Variants in CD226 observed in about 807,000 individuals in gnomAD.
CD226 encodes the protein CD226 antigen.
CD226 carries 24 observed loss-of-function variants against 34.9 expected under a neutral mutation model. That is an observed-to-expected ratio of 0.69 (90% CI 0.50 to 0.97). CD226 has a LOEUF of 0.97. CD226 is among the 50% of genes least tolerant of loss of function. The probability of loss-of-function intolerance (pLI) is 0.00; values close to 1 mark genes in which losing one functional copy is unlikely to be tolerated. For missense variants in CD226, 397 were observed against 412.7 expected, an observed-to-expected ratio of 0.96 and a Z score of 0.33; for synonymous variants, 148 against 147.4, an observed-to-expected ratio of 1.00 and a Z score of -0.03.
intron 4 of CD226, among the ~76,000 whole-genome samples, chr18:69,872,056 G>GT (rs1983556865): frequency 7.5e-5 from 7 of 93,024 alleles, no homozygotes; most frequent in South Asian, 4.7e-4. Flanking sequence ...TATTAACAAG[G>GT]GGTGTGTGTG....
intron 2 of CD226, among the ~76,000 whole-genome samples, chr18:69,935,471 T>C (rs2055641283): frequency 6.6e-6 from 1 of 152,202 alleles, no homozygotes; most frequent in Admixed American, 6.5e-5. Flanking sequence ...GGGCTGAACA[T>C]GTTCCACAGT....
Position 69,890,884 on chromosome 18 carries a change from G to A in CD226, c.727+4817C>T, listed in dbSNP as rs557254813. 6.6e-5 allele frequency among the ~76,000 whole-genome samples: 10 copies of A among 152,130 alleles called. No individual in the cohort carries two copies. In the South Asian group the frequency reaches 1.5e-3, roughly 22 times the overall value. On this transcript the variant is annotated intron_variant, in intron 3 of 5. Coordinates refer to ENST00000582621, the MANE Select transcript of CD226 (RefSeq NM_001303618.2). ...CATTCTAGGAATTAATGCCAATCCT[G>A]AGTTTAGAAACAGTTCTACATTATC...
Position 69,895,701 on chromosome 18 carries a change from C to A in CD226, c.727G>T (p.Gly243Cys). ...CAGAAGATGTCTGGTGCTCACTCAC[C>A]CTCGGCTACAGTCAATCTCATCACG... ...TFVMRLTVAE[G>C]KTDNQYTLFV... Residue 243 changes from glycine to cysteine, a missense_variant and splice_region_variant, in exon 3 of 6, where the codon GGT becomes TGT. Physicochemically the swap from Gly to Cys is radical, Grantham distance 159. Transcript: ENST00000582621. 3.1e-6 allele frequency: 5 copies of A among 1,608,114 alleles called. No homozygotes were observed. Among genetic ancestry groups the A allele is most frequent in the Non-Finnish European group, 4.3e-6 (5 of 1,174,878 alleles).
intron 2 of CD226, among the ~76,000 whole-genome samples, chr18:69,929,145 C>T (rs552152341): frequency 5.3e-4 from 80 of 152,306 alleles, no homozygotes; most frequent in African/African-American, 1.8e-3. Flanking sequence ...TGCTGCTACC[C>T]AGCCTAGAAA....
chr18:69,926,295 G>T (rs932595394), intron 2 of CD226, among the ~76,000 whole-genome samples: 1 of 151,864 alleles, frequency 6.6e-6, no homozygotes, highest in Non-Finnish European at 1.5e-5. Context: ...TTCTTCTCGG[G>T]ACCTTTGCAC....
chr18:69,913,770 T>A (rs2145292584), intron 2 of CD226, among the ~76,000 whole-genome samples: 1 of 152,204 alleles, frequency 6.6e-6, no homozygotes, highest in South Asian at 2.1e-4. Flanking sequence ...GGCTCAAGTG[T>A]CCTAGTGAAA....
At chr18:69,955,561 T>C (rs2145387689) in intron 1 of CD226, among the ~76,000 whole-genome samples, 1 of 152,236 alleles carries the variant, frequency 6.6e-6, no homozygotes, top group Non-Finnish European at 1.5e-5. Flanking sequence ...AAGAGGCTCA[T>C]ACTTCCAGTA....
At chr18:69,950,787 T>A (rs896765854), upstream of CD226, among the ~76,000 whole-genome samples, 1 of 152,128 alleles carries the variant, frequency 6.6e-6, no homozygotes, top group Non-Finnish European at 1.5e-5. Flanking sequence ...CTAAGAGCGA[T>A]TGGAGATTGT....
Position 69,873,193 on chromosome 18 carries a change from A to T in CD226, c.781T>A (p.Leu261Met), listed in dbSNP as rs1162083612. 3 of 1,611,746 alleles carry T rather than the reference A, an allele frequency of 1.9e-6. No individual in the cohort carries two copies. The highest frequency in any genetic ancestry group is 3.3e-5 in the Admixed American group (2 of 59,994). Residue 261 changes from leucine to methionine, a missense_variant, in exon 4 of 6, where the codon TTG (leucine) becomes ATG (methionine). Transcript: ENST00000582621. ...GTGGTAATTGAGATAACAAACAACA[A>T]CAATAAAACTGTCCCTCCAGCCACA... is the stretch of plus-strand genomic sequence containing the variant. ...LFVAGGTVLL[L>M]LFVISITTII...
chr18:69,906,031 A>G (rs532640571), intron 2 of CD226, among the ~76,000 whole-genome samples: 1 of 152,302 alleles, frequency 6.6e-6, no homozygotes, highest in East Asian at 1.9e-4. Flanking sequence ...TCCTCTTCTC[A>G]TATTTTCTGA....
At chr18:69,901,614 C>T (rs960151271) in intron 2 of CD226, among the ~76,000 whole-genome samples, 1 of 140,814 alleles carries the variant, frequency 7.1e-6, no homozygotes, top group African/African-American at 2.5e-5. Context: ...GGCACAGTGG[C>T]TCACACCTGT....
chr18:69,895,632 AAC>A, intron 3 of CD226, 67 bp downstream of exon 3: 2 of 1,153,766 alleles, frequency 1.7e-6, no homozygotes, highest in Non-Finnish European at 2.5e-6. Context: ...CATAAATAAA[AAC>A]AGAGACCAGC....
chr18:69,871,357 T>C (rs534466320), intron 4 of CD226, among the ~76,000 whole-genome samples: 25 of 152,372 alleles, frequency 1.6e-4, no homozygotes, highest in African/African-American at 6.0e-4. Context: ...TGAAATGACC[T>C]GACCTCCTGT....
At chr18:69,934,847 T>G (rs2055632699) in intron 2 of CD226, among the ~76,000 whole-genome samples, 1 of 152,210 alleles carries the variant, frequency 6.6e-6, no homozygotes, top group Non-Finnish European at 1.5e-5. Flanking sequence ...GGGAATAATT[T>G]CACACTGATC....
At chr18:69,898,453 G>A (rs779882750) in intron 2 of CD226, among the ~76,000 whole-genome samples, 35 of 152,234 alleles carry the variant, frequency 2.3e-4, no homozygotes, top group Non-Finnish European at 4.6e-4. Context: ...ACTCATAGCC[G>A]TGTCTGCATT....
intron 3 of CD226, among the ~76,000 whole-genome samples, chr18:69,884,491 A>G (rs1305006282): frequency 3.9e-5 from 6 of 152,242 alleles, no homozygotes. Flanking sequence ...TCTTTGAAAG[A>G]CATGCACATC....
chr18:69,922,202 T>C (rs1357739958), intron 2 of CD226, among the ~76,000 whole-genome samples: 2 of 152,264 alleles, frequency 1.3e-5, no homozygotes, highest in East Asian at 3.8e-4. Context: ...AAAATATTAA[T>C]ATAGGCCTAA....
intron 3 of CD226, among the ~76,000 whole-genome samples, chr18:69,878,021 G>A (rs1009637299): frequency 8.5e-5 from 13 of 152,184 alleles, no homozygotes; most frequent in African/African-American, 3.1e-4. Context: ...GCCCTGTATG[G>A]CTGGGGAAAA....
Position 69,853,979 on chromosome 18 carries a change from G to A in CD226, c.*10335C>T, listed in dbSNP as rs964091834. 1 of 151,702 alleles carries A rather than the reference G, an allele frequency of 6.6e-6. No homozygotes were observed. Among genetic ancestry groups the A allele is most frequent in the African/African-American group, 2.4e-5 (1 of 40,980 alleles). The allele number at this position is 151,702 out of a possible 1,614,324, so 9.4% of individuals were successfully genotyped here. A position where few individuals can be genotyped will look rare whatever the true frequency, so the allele number is the denominator to read the frequency against. ...AGCAAGTCATATGGAATGGAGTCCA[G>A]CAACAGGAACCCTAGTGCAGTATCA... On this transcript the variant is annotated 3_prime_UTR_variant, in exon 6 of 6. Coordinates refer to ENST00000582621, the MANE Select transcript of CD226 (RefSeq NM_001303618.2).
Sources: gnomAD v4.1 joint callset for allele counts (sites outside exome capture counted in the v4.1 genomes callset) on GRCh38, gnomAD v4.1.1 for gene constraint, MANE v1.5 for transcripts, NCBI Gene and HGNC (gene_info 2026-07-23, HGNC 2026-07-21) for gene names.